The following KCNIP4 variants were observed in gnomAD, a reference collection of about 807,000 sequenced individuals.
KCNIP4 encodes the protein potassium voltage-gated channel interacting protein 4.
In KCNIP4, 12 loss-of-function variants were observed where a neutral mutation model predicts 34.0. The ratio of observed to expected loss-of-function variants is 0.35; its 90% CI spans 0.23 to 0.57. KCNIP4 has a LOEUF of 0.57. Among genes scored for constraint, KCNIP4 ranks in the 20% least tolerant of loss-of-function variants. The pLI is 0.83. For missense variants in KCNIP4, 238 were observed against 311.7 expected (o/e 0.76, Z 1.78); for synonymous variants, 124 against 102.2 (o/e 1.21, Z -1.29).
chr4:21,776,458 G>A (rs1455726955), intron 1 of KCNIP4, among the ~76,000 whole-genome samples: 1 of 152,144 alleles, frequency 6.6e-6, no homozygotes, highest in Non-Finnish European at 1.5e-5. Flanking sequence ...ATATGGTGAA[G>A]TAGAAAGTGT....
At chr4:21,053,306 A>G (rs76797428) in intron 1 of KCNIP4, among the ~76,000 whole-genome samples, 1,780 of 152,328 alleles carry the variant, frequency 0.012, 15 homozygotes, top group Non-Finnish European at 0.018. Flanking sequence ...TCCAAAGTCT[A>G]TGCATTAACA....
intron 3 of KCNIP4, among the ~76,000 whole-genome samples, chr4:20,786,863 G>C (rs1015959514): frequency 1.2e-4 from 18 of 151,782 alleles, no homozygotes; most frequent in Admixed American, 9.9e-4. Flanking sequence ...CAATGATATA[G>C]CCTTGAACAA....
At chr4:20,978,668 C>G (rs1735720799) in intron 1 of KCNIP4, among the ~76,000 whole-genome samples, 1 of 152,174 alleles carries the variant, frequency 6.6e-6, no homozygotes, top group African/African-American at 2.4e-5. Context: ...TTAGAGGTCA[C>G]CTCCACCATG....
rs28579362 is a variant in KCNIP4, at chr4:21,295,361, G to A, written c.62-412652C>T. On this transcript the variant is annotated intron_variant, in intron 1 of 8. Transcript: ENST00000382152. ...TATGGTACAGAAACAATATCAGGGC[G>A]TATAAAAGAAGGTAGAATCAGGAAC... Among the ~76,000 whole-genome samples, 21 of 152,290 alleles carry A rather than the reference G, an allele frequency of 1.4e-4. 1 individual carries two copies. The highest frequency in any genetic ancestry group is 3.9e-4 in the East Asian group (2 of 5,176).
chr4:20,781,195 T>C (rs1253950323), intron 3 of KCNIP4, among the ~76,000 whole-genome samples: 5 of 152,052 alleles, frequency 3.3e-5, no homozygotes, highest in African/African-American at 1.2e-4. Context: ...GTGCAAAAAA[T>C]AAAAAAAGAA....
intron 1 of KCNIP4, among the ~76,000 whole-genome samples, chr4:21,426,254 T>C (rs1247686398): frequency 6.6e-6 from 1 of 151,920 alleles, no homozygotes; most frequent in Admixed American, 6.6e-5. Context: ...GAAACCAGAG[T>C]AGTTTAGTGA....
At chr4:21,275,666 G>A (rs947365134) in intron 1 of KCNIP4, among the ~76,000 whole-genome samples, 7 of 152,134 alleles carry the variant, frequency 4.6e-5, no homozygotes, top group African/African-American at 1.7e-4. Context: ...ATAGTAGATG[G>A]CTGGGACAAA....
intron 1 of KCNIP4, among the ~76,000 whole-genome samples, chr4:21,362,337 C>A (rs1469993593): frequency 1.3e-5 from 2 of 152,114 alleles, no homozygotes; most frequent in Admixed American, 6.5e-5. Flanking sequence ...AGCAGTGAAC[C>A]TTGTCTCCTG....
At chr4:20,956,482 G>C (rs1733316134) in intron 1 of KCNIP4, among the ~76,000 whole-genome samples, 1 of 148,910 alleles carries the variant, frequency 6.7e-6, no homozygotes, top group African/African-American at 2.5e-5. Flanking sequence ...TCCAGCCTGG[G>C]CGACAGTGCA....
intron 1 of KCNIP4, among the ~76,000 whole-genome samples, chr4:21,607,232 A>G (rs1044263463): frequency 3.9e-5 from 6 of 152,080 alleles, no homozygotes; most frequent in Admixed American, 6.6e-5. Flanking sequence ...TCCACGCCTC[A>G]GTTTCCTCAA....
At chr4:21,419,945 C>T (rs1012572192) in intron 1 of KCNIP4, among the ~76,000 whole-genome samples, 1 of 152,128 alleles carries the variant, frequency 6.6e-6, no homozygotes, top group East Asian at 1.9e-4. Context: ...TGAATTTGCA[C>T]AGGGGTCATT....
intron 1 of KCNIP4, among the ~76,000 whole-genome samples, chr4:21,384,556 C>G (rs1332462680): frequency 6.6e-6 from 1 of 152,136 alleles, no homozygotes; most frequent in African/African-American, 2.4e-5. Context: ...TTAAAACTAC[C>G]TCCCAGATTG....
At chr4:20,923,170 A>G (rs1729572488) in intron 1 of KCNIP4, among the ~76,000 whole-genome samples, 1 of 152,158 alleles carries the variant, frequency 6.6e-6, no homozygotes, top group Non-Finnish European at 1.5e-5. Flanking sequence ...TGAGTTTGCT[A>G]AAAGTTTGTC....
chr4:20,902,608 C>G (rs753324176), intron 1 of KCNIP4, among the ~76,000 whole-genome samples: 11 of 152,170 alleles, frequency 7.2e-5, no homozygotes, highest in Non-Finnish European at 1.6e-4. Flanking sequence ...CAACCACCAC[C>G]TCCCGGGTTC....
rs562687603 is a variant in KCNIP4 at position 21,702,835 on chromosome 4, T to C, written c.61+245736A>G. ...TATAGACAAATATCTCTTAGAAGTA[T>C]GGACTCCAAATCATAAACAAAATAT... On this transcript the variant is annotated intron_variant, in intron 1 of 8. Transcript: ENST00000382152. 9.9e-5 allele frequency among the ~76,000 whole-genome samples: 15 copies of C among 152,198 alleles called. No individual in the cohort carries two copies. In the South Asian group the frequency reaches 2.3e-3, roughly 23 times the overall value.
At chr4:20,928,093 T>C (rs1010793427) in intron 1 of KCNIP4, among the ~76,000 whole-genome samples, 1 of 152,068 alleles carries the variant, frequency 6.6e-6, no homozygotes, top group African/African-American at 2.4e-5. Context: ...ATAAAAATGT[T>C]CAAATAAATG....
intron 1 of KCNIP4, among the ~76,000 whole-genome samples, chr4:21,785,541 G>A (rs1041075138): frequency 1.3e-5 from 2 of 151,680 alleles, no homozygotes; most frequent in Non-Finnish European, 2.9e-5. Context: ...GCAGTGAGCC[G>A]AGATTGCACC....
intron 1 of KCNIP4, among the ~76,000 whole-genome samples, chr4:21,579,780 A>G (rs1319803042): frequency 1.3e-5 from 2 of 152,206 alleles, no homozygotes; most frequent in African/African-American, 2.4e-5. Context: ...GCCTTTTAGC[A>G]TAGAGATAAA....
At chr4:20,877,293 G>A (rs983762543) in intron 2 of KCNIP4, among the ~76,000 whole-genome samples, 1 of 152,198 alleles carries the variant, frequency 6.6e-6, no homozygotes, top group South Asian at 2.1e-4. Flanking sequence ...CGTAACTTTC[G>A]TTCTTGCTAA....
Sources: gnomAD v4.1 joint callset for allele counts (sites outside exome capture counted in the v4.1 genomes callset) on GRCh38, gnomAD v4.1.1 for gene constraint, MANE v1.5 for transcripts, NCBI Gene and HGNC (gene_info 2026-07-23, HGNC 2026-07-21) for gene names.